The following ASCC1 variants were observed in gnomAD, a reference collection of about 807,000 sequenced individuals.
The protein encoded by ASCC1 is activating signal cointegrator 1 complex subunit 1, also known as ASC-1 complex subunit P50.
ASCC1 carries 35 observed loss-of-function variants against 46.6 expected under a neutral mutation model. That is an observed-to-expected ratio of 0.75 (90% confidence interval 0.57 to 0.99). The LOEUF (loss-of-function observed/expected upper bound fraction) is 0.99. Ranked by LOEUF, ASCC1 falls within the 50% of genes least tolerant of loss-of-function variation. The pLI is 0.00. For missense variants in ASCC1, 376 were observed against 428.7 expected, an observed-to-expected ratio of 0.88 and a Z score of 1.09; for synonymous variants, 143 against 146.6, an observed-to-expected ratio of 0.98 and a Z score of 0.18.
Position 72,210,805 on chromosome 10 carries a change from A to T in ASCC1, c.139T>A (p.Cys47Ser), listed in dbSNP as rs749793711. The T allele has an allele frequency of 6.2e-7, 1 of 1,614,030 alleles. No homozygotes were observed. Among genetic ancestry groups the T allele is most frequent in the Non-Finnish European group, 8.5e-7 (1 of 1,179,978 alleles). ...GTCTGCTCCACCTCGTAGGCATCAC[A>T]GGGCTCATCAGCACACTCCATGGAG... is the stretch of plus-strand genomic sequence containing the variant. ...QGSMECADEPCDAYEVEQTPQ... is the reference protein window; with the variant it reads ...QGSMECADEPSDAYEVEQTPQ... The change falls in exon 3 of 10, where the codon TGT becomes AGT. Residue 47 changes from cysteine (C) to serine (S), a missense_variant. By Grantham distance (112) the Cys-to-Ser change is moderately radical (BLOSUM62 -1). Transcript: ENST00000672957.
In ASCC1 at chr10:72,210,725, G is replaced by A; in HGVS notation, c.212+7C>T. ...CTTCCCATGAAACTGTTGGGGACAT[G>A]ACTCACTTATAGAGCAAGCTGGGGG... On this transcript the variant is annotated splice_region_variant and intron_variant, in intron 3 of 9. Coordinates refer to ENST00000672957, the MANE Select transcript of ASCC1 (RefSeq NM_001198800.3). The A allele has an allele frequency of 6.2e-7, 1 of 1,613,158 alleles. No individual in the cohort carries two copies. The highest frequency in any genetic ancestry group is 8.5e-7 in the Non-Finnish European group (1 of 1,179,212).
intron 6 of ASCC1, among the ~76,000 whole-genome samples, chr10:72,160,618 T>C (rs976169435): frequency 6.6e-6 from 1 of 151,888 alleles, no homozygotes; most frequent in African/African-American, 2.4e-5. Context: ...CCCAGCACTT[T>C]TGGAGGCCGA....
At chr10:72,172,777 TTTATATTA>T (rs1486426059) in intron 5 of ASCC1, among the ~76,000 whole-genome samples, 129 of 136,684 alleles carry the variant, frequency 9.4e-4, no homozygotes, top group Non-Finnish European at 1.5e-3. Context: ...TATTATATTT[TTTATATTA>T]TATATTATAT....
At chr10:72,134,603 T>C (rs1191095226) in intron 7 of ASCC1, 3 of 152,272 alleles carry the variant, frequency 2.0e-5, no homozygotes, top group Non-Finnish European at 2.9e-5. Context: ...AGTCCTTGAA[T>C]GTATTATGTT....
chr10:72,159,899 G>A (rs564582475), intron 6 of ASCC1, among the ~76,000 whole-genome samples: 2 of 146,546 alleles, frequency 1.4e-5, no homozygotes, highest in African/African-American at 5.1e-5. Context: ...GTATTACACA[G>A]TTTCTTTTTT....
intron 5 of ASCC1, among the ~76,000 whole-genome samples, chr10:72,187,779 T>C (rs1220472733): frequency 1.4e-5 from 2 of 144,524 alleles, no homozygotes; most frequent in Non-Finnish European, 3.0e-5. Flanking sequence ...CAGGTGTGGC[T>C]GATTAAACTT....
At chr10:72,131,400 G>A (rs1222149569) in intron 8 of ASCC1, among the ~76,000 whole-genome samples, 1 of 151,060 alleles carries the variant, frequency 6.6e-6, no homozygotes, top group Non-Finnish European at 1.5e-5. Context: ...CGGCCTGGGC[G>A]ACAGAGCAAG....
chr10:72,162,299 T>C (rs186841705), intron 5 of ASCC1, among the ~76,000 whole-genome samples: 18 of 152,136 alleles, frequency 1.2e-4, no homozygotes, highest in Admixed American at 1.3e-4. Flanking sequence ...GCCTCCCAAG[T>C]AGCTGGGACT....
intron 5 of ASCC1, chr10:72,189,802 CAAAA>C (rs996153326): frequency 8.4e-3 from 1,401 of 166,198 alleles, no homozygotes; most frequent in Middle Eastern, 0.019. Flanking sequence ...AACTCCATCT[CAAAA>C]AAAAAAAAAA....
chr10:72,192,649 G>A (rs557004618), intron 5 of ASCC1, among the ~76,000 whole-genome samples: 47 of 152,060 alleles, frequency 3.1e-4, no homozygotes, highest in African/African-American at 1.1e-3. Context: ...GTACACCACC[G>A]TGCCTGGCTA....
intron 6 of ASCC1, 109 bp downstream of exon 6, chr10:72,161,429 A>C: frequency 7.0e-7 from 1 of 1,422,206 alleles, no homozygotes; most frequent in Non-Finnish European, 9.9e-7. Context: ...ATCAAATCAC[A>C]TGAGTCCTTC....
rs568109648 is a variant in ASCC1, at chr10:72,107,766, A to T, written c.958-10316T>A. Among the ~76,000 whole-genome samples, 3 of 152,366 alleles carry T rather than the reference A, an allele frequency of 2.0e-5. No homozygotes were observed. In the East Asian group the frequency reaches 5.8e-4, roughly 29 times the overall value. ...TGTGAAAATAAGTAATTCAAAATCT[A>T]AGCTGTTGGAATCTTAACATATTGT... is the stretch of plus-strand genomic sequence containing the variant. On this transcript the variant is annotated intron_variant, in intron 9 of 9. Coordinates refer to ENST00000672957, the MANE Select transcript of ASCC1 (RefSeq NM_001198800.3).
intron 7 of ASCC1, among the ~76,000 whole-genome samples, chr10:72,139,267 C>T (rs1256718176): frequency 6.6e-6 from 1 of 151,938 alleles, no homozygotes; most frequent in Non-Finnish European, 1.5e-5. Flanking sequence ...ATGCCCGCCA[C>T]CACGCCCGGC....
chr10:72,189,529 G>A (rs1221617809), intron 5 of ASCC1, among the ~76,000 whole-genome samples: 1 of 152,104 alleles, frequency 6.6e-6, no homozygotes, highest in Non-Finnish European at 1.5e-5. Context: ...CTGTTCGGGT[G>A]GGGTGGCTCA....
rs1199368239 is a variant in ASCC1 at position 72,118,155 on chromosome 10, C to A, written c.957+9927G>T. 2.6e-5 allele frequency among the ~76,000 whole-genome samples: 4 copies of A among 151,088 alleles called. No homozygotes were observed. The East Asian group carries it at 6.0e-4, about 23-fold the overall frequency. ...GGCTGAGGCGGGCAGATCACAAGGT[C>A]AGGAGATCGAGACCATCCTGGCTAA... On this transcript the variant is annotated intron_variant, in intron 9 of 9. Transcript: ENST00000672957.
At position 72,124,046 on chromosome 10, in the gene ASCC1, C is replaced by A. The variant is rs540432947; in HGVS notation, c.957+4036G>T. On this transcript the variant is annotated intron_variant, in intron 9 of 9. Coordinates refer to ENST00000672957, the MANE Select transcript of ASCC1 (RefSeq NM_001198800.3). Reference sequence around the variant, plus strand: ...CATTGAAATTTATTCATTATAATTGCCCTTTTAAAGGCTCTGAAGAACAGA... The same window carrying A: ...CATTGAAATTTATTCATTATAATTGACCTTTTAAAGGCTCTGAAGAACAGA... Among the ~76,000 whole-genome samples the A allele has an allele frequency of 1.6e-4, 25 of 152,234 alleles. No individual in the cohort carries two copies. The South Asian group carries it at 3.7e-3, about 23-fold the overall frequency.
At chr10:72,155,591 A>G (rs906539235) in intron 6 of ASCC1, among the ~76,000 whole-genome samples, 3 of 152,252 alleles carry the variant, frequency 2.0e-5, no homozygotes, top group Non-Finnish European at 2.9e-5. Flanking sequence ...ATACATATCC[A>G]AAGTGCTAAT....
At chr10:72,119,169 C>T (rs1843873455) in intron 9 of ASCC1, among the ~76,000 whole-genome samples, 1 of 152,230 alleles carries the variant, frequency 6.6e-6, no homozygotes, top group Non-Finnish European at 1.5e-5. Context: ...CTCCAGGGAA[C>T]CACCTCACCA....
At chr10:72,098,159 T>A (rs559031298) in intron 9 of ASCC1, among the ~76,000 whole-genome samples, 6 of 152,346 alleles carry the variant, frequency 3.9e-5, no homozygotes, top group African/African-American at 1.2e-4. Flanking sequence ...GAGTGAGGGA[T>A]GAACCATACA....
Sources: allele counts gnomAD v4.1 joint callset (sites outside exome capture counted in the v4.1 genomes callset), GRCh38; gene constraint gnomAD v4.1.1; transcripts MANE v1.5; gene names NCBI Gene and HGNC (gene_info 2026-07-23, HGNC 2026-07-21).